NTRK3: variants seen among roughly 807,000 people sequenced by gnomAD.
NTRK3 encodes neurotrophic receptor tyrosine kinase 3.
NTRK3 carries 24 observed loss-of-function variants against 91.7 expected under a neutral mutation model. The observed-to-expected ratio is 0.26, with a 90% CI of 0.19 to 0.37. The LOEUF (loss-of-function observed/expected upper bound fraction) is 0.37. Among genes scored for constraint, NTRK3 ranks in the 10% least tolerant of loss-of-function variants. The probability of loss-of-function intolerance (pLI) is 1.00; values close to 1 mark genes in which losing one functional copy is unlikely to be tolerated. For missense variants in NTRK3, 880 were observed against 1,068.9 expected, an observed-to-expected ratio of 0.82 and a Z score of 2.46; for synonymous variants, 483 against 404.0, an observed-to-expected ratio of 1.20 and a Z score of -2.34.
chr15:88,125,477 AC>A (rs1198179970), intron 13 of NTRK3, among the ~76,000 whole-genome samples: 1 of 137,744 alleles, frequency 7.3e-6, no homozygotes, highest in African/African-American at 2.7e-5. Context: ...ATGCCTCCCT[AC>A]CCACCCCCAC....
chr15:88,135,158 G>A (rs2041757105), exon 10 of NTRK3: 2 of 1,614,252 alleles, frequency 1.2e-6, no homozygotes, highest in Non-Finnish European at 1.7e-6. Context: ...GTGCCCAGTG[G>A]GTTTTTGGCA....
intron 15 of NTRK3, among the ~76,000 whole-genome samples, chr15:87,938,522 TCTC>T (rs1351520388): frequency 7.2e-5 from 11 of 152,156 alleles, no homozygotes; most frequent in Non-Finnish European, 1.2e-4. Flanking sequence ...AGACGGTTCA[TCTC>T]CTCCAGATCC....
intron 14 of NTRK3, among the ~76,000 whole-genome samples, chr15:87,999,699 G>C (rs2075962136): frequency 6.6e-6 from 1 of 152,192 alleles, no homozygotes; most frequent in Non-Finnish European, 1.5e-5. Context: ...TTATCTTTAA[G>C]ACTACATCTT....
At chr15:88,127,348 G>A (rs2053399651) in intron 11 of NTRK3, 122 bp from the exon 12 acceptor site, 3 of 822,308 alleles carry the variant, frequency 3.6e-6, no homozygotes, top group Admixed American at 2.0e-5. Flanking sequence ...TCCTCTGAAA[G>A]CCAGGCTCTT....
chr15:87,930,722 G>T (rs569556474), intron 16 of NTRK3, among the ~76,000 whole-genome samples: 1 of 152,172 alleles, frequency 6.6e-6, no homozygotes, highest in Non-Finnish European at 1.5e-5. Flanking sequence ...AGAGCTTCTG[G>T]TCTCAGAGAA....
chr15:88,125,270 C>G (rs3784407), intron 13 of NTRK3, among the ~76,000 whole-genome samples: 1 of 152,014 alleles, frequency 6.6e-6, no homozygotes, highest in Admixed American at 6.5e-5. Flanking sequence ...TTGCATACAA[C>G]TCAGAGGATC....
chr15:87,941,968 G>A (rs1242418517), intron 14 of NTRK3, among the ~76,000 whole-genome samples: 2 of 152,194 alleles, frequency 1.3e-5, no homozygotes, highest in African/African-American at 2.4e-5. Context: ...TATCCCAAGC[G>A]ACTTTGTCGA....
At chr15:88,060,128 G>T (rs1042887947) in intron 13 of NTRK3, among the ~76,000 whole-genome samples, 18 of 152,098 alleles carry the variant, frequency 1.2e-4, no homozygotes, top group Non-Finnish European at 1.9e-4. Context: ...GGTGGCTCAC[G>T]CCTGTAATTT....
At chr15:87,962,860 G>C (rs2072432449) in intron 14 of NTRK3, among the ~76,000 whole-genome samples, 1 of 152,208 alleles carries the variant, frequency 6.6e-6, no homozygotes, top group Admixed American at 6.5e-5. Context: ...GCAGGACATA[G>C]AGATTAGAGG....
At chr15:88,242,264 G>T (rs181002535) in intron 3 of NTRK3, among the ~76,000 whole-genome samples, 3 of 152,068 alleles carry the variant, frequency 2.0e-5, no homozygotes, top group Non-Finnish European at 4.4e-5. Context: ...GCCTTTCCGC[G>T]TGGGGCCTCT....
intron 5 of NTRK3, among the ~76,000 whole-genome samples, chr15:88,181,520 C>T (rs2046456618): frequency 6.6e-6 from 1 of 152,106 alleles, no homozygotes; most frequent in African/African-American, 2.4e-5. Context: ...GACACCGTGC[C>T]CTAGAAGGTT....
intron 14 of NTRK3, among the ~76,000 whole-genome samples, chr15:87,955,719 T>C (rs1354369836): frequency 2.6e-5 from 4 of 152,146 alleles, no homozygotes; most frequent in Non-Finnish European, 5.9e-5. Flanking sequence ...TCCAGCCCCC[T>C]GCCTAGTGGT....
intron 2 of NTRK3, 27 bp from the exon 3 acceptor site, chr15:88,256,195 G>C: frequency 7.2e-7 from 1 of 1,391,402 alleles, no homozygotes; most frequent in Non-Finnish European, 9.8e-7. Flanking sequence ...GGAGAGGAGA[G>C]GGGGGTGGGG....
At chr15:88,111,908 GT>G (rs57625455) in intron 13 of NTRK3, among the ~76,000 whole-genome samples, 16 of 135,012 alleles carry the variant, frequency 1.2e-4, no homozygotes, top group East Asian at 6.4e-4. Flanking sequence ...TTTTGTTTTT[GT>G]TTTTTTTTTT....
At chr15:88,139,249 G>C (rs896341037) in intron 6 of NTRK3, among the ~76,000 whole-genome samples, 1 of 152,156 alleles carries the variant, frequency 6.6e-6, no homozygotes, top group Non-Finnish European at 1.5e-5. Context: ...AGGAGACAAT[G>C]AACAGCATTA....
At chr15:88,109,344 C>G (rs1323801780) in intron 13 of NTRK3, among the ~76,000 whole-genome samples, 1 of 152,166 alleles carries the variant, frequency 6.6e-6, no homozygotes, top group Non-Finnish European at 1.5e-5. Flanking sequence ...GCGTCCTCAC[C>G]CCAACCTCAC....
intron 3 of NTRK3, among the ~76,000 whole-genome samples, chr15:88,225,793 C>T (rs1290454856): frequency 1.3e-5 from 2 of 152,156 alleles, no homozygotes; most frequent in African/African-American, 2.4e-5. Flanking sequence ...CCACACCTCA[C>T]GGCAGGCAGG....
chr15:87,989,381 T>C (rs1403544691), intron 14 of NTRK3, among the ~76,000 whole-genome samples: 3 of 152,204 alleles, frequency 2.0e-5, no homozygotes, highest in Non-Finnish European at 4.4e-5. Context: ...GAAACCATCA[T>C]TCTCAGCAAA....
At chr15:88,014,058 G>A (rs1304699055) in intron 14 of NTRK3, among the ~76,000 whole-genome samples, 1 of 152,194 alleles carries the variant, frequency 6.6e-6, no homozygotes, top group African/African-American at 2.4e-5. Flanking sequence ...TCGCTCCAAA[G>A]GAAAACAGTG....
Sources: gnomAD v4.1 joint callset for allele counts (sites outside exome capture counted in the v4.1 genomes callset) on GRCh38, gnomAD v4.1.1 for gene constraint, MANE v1.5 for transcripts, NCBI Gene and HGNC (gene_info 2026-07-23, HGNC 2026-07-21) for gene names.